The following ARHGEF26 variants were observed in gnomAD, a reference collection of about 807,000 sequenced individuals.
The protein encoded by ARHGEF26 is Rho guanine nucleotide exchange factor (GEF) 26.
ARHGEF26 carries 59 observed loss-of-function variants against 89.4 expected under a neutral mutation model. The observed-to-expected ratio is 0.66, with a 90% CI of 0.54 to 0.82. ARHGEF26 has a LOEUF of 0.82. Ranked by LOEUF, ARHGEF26 falls within the 40% of genes least tolerant of loss-of-function variation. The pLI, the probability that ARHGEF26 is intolerant of heterozygous loss-of-function variation, is 0.00. For missense variants in ARHGEF26, 1,234 were observed against 1,085.6 expected (o/e 1.14, Z -1.92); for synonymous variants, 500 against 428.4 (o/e 1.17, Z -2.06).
intron 4 of ARHGEF26, among the ~76,000 whole-genome samples, chr3:154,145,566 G>A: frequency 6.6e-6 from 1 of 152,238 alleles, no homozygotes; most frequent in East Asian, 1.9e-4. Flanking sequence ...AGTCTTTTTG[G>A]TTTGTGAGGC....
At chr3:154,142,130 A>G (rs997203932) in intron 4 of ARHGEF26, among the ~76,000 whole-genome samples, 1 of 152,250 alleles carries the variant, frequency 6.6e-6, no homozygotes, top group Non-Finnish European at 1.5e-5. Context: ...TTTTGTCTAT[A>G]GGATGTAACT....
At chr3:154,239,734 T>C (rs1717376171) in intron 11 of ARHGEF26, among the ~76,000 whole-genome samples, 2 of 152,032 alleles carry the variant, frequency 1.3e-5, no homozygotes. Context: ...GGGGCCAGAT[T>C]GGGCATGTTC....
In ARHGEF26 at chr3:154,202,488, C is replaced by CT. The variant is rs569531952; in HGVS notation, c.1845+7776dup. 1.6e-3 allele frequency among the ~76,000 whole-genome samples: 248 copies of CT among 152,170 alleles called. 1 individual carries two copies. The highest frequency in any genetic ancestry group is 5.4e-3 in the African/African-American group (223 of 41,508). ...TAGGATTGACTTGGCAATGTGGGCTCTTTTTTGGTTCCATATGAACTTTAA... is the reference window on the plus strand; with the variant it reads ...TAGGATTGACTTGGCAATGTGGGCTCTTTTTTTGGTTCCATATGAACTTTAA... On this transcript the variant is annotated intron_variant, in intron 9 of 14. Transcript: ENST00000465093.
In ARHGEF26 at chr3:154,256,212, G is replaced by C. The variant is rs1335296292; in HGVS notation, c.*739G>C. 2.0e-6 allele frequency: 2 copies of C among 985,644 alleles called. No individual in the cohort carries two copies. Among genetic ancestry groups the C allele is most frequent in the Non-Finnish European group, 2.4e-6 (2 of 829,980 alleles). The allele number at this position is 985,644 out of a possible 1,614,324, so 61.1% of individuals were successfully genotyped here. A position where few individuals can be genotyped will look rare whatever the true frequency, so the allele number is the denominator to read the frequency against. ...AATTTAGATGGGTTCATATATGTGA[G>C]AAAAACCTGAATATAGGACAGGGGT... On this transcript the variant is annotated 3_prime_UTR_variant, in exon 15 of 15. Coordinates refer to ENST00000465093, the MANE Select transcript of ARHGEF26 (RefSeq NM_015595.4).
intron 6 of ARHGEF26, among the ~76,000 whole-genome samples, chr3:154,169,767 T>C (rs1165707230): frequency 6.6e-6 from 1 of 152,182 alleles, no homozygotes; most frequent in African/African-American, 2.4e-5. Context: ...CAACACTGTA[T>C]ACATTAAATA....
chr3:154,231,900 T>G (rs1301548950), intron 11 of ARHGEF26, among the ~76,000 whole-genome samples: 4 of 82,936 alleles, frequency 4.8e-5, no homozygotes, highest in African/African-American at 1.1e-4. Flanking sequence ...GTAGTAGCAG[T>G]TTTTTTTTTT....
At chr3:154,208,882 C>T (rs1443616180) in intron 9 of ARHGEF26, among the ~76,000 whole-genome samples, 4 of 151,228 alleles carry the variant, frequency 2.6e-5, no homozygotes, top group Non-Finnish European at 5.9e-5. Flanking sequence ...TCTCATGCCT[C>T]AGCCTCCCAG....
intron 6 of ARHGEF26, among the ~76,000 whole-genome samples, chr3:154,155,436 G>C (rs945815541): frequency 2.2e-4 from 33 of 151,982 alleles, no homozygotes; most frequent in Admixed American, 1.0e-3. Flanking sequence ...TAATAAGAAG[G>C]AGAGGGAAAA....
intron 11 of ARHGEF26, among the ~76,000 whole-genome samples, chr3:154,228,420 A>T (rs2108264897): frequency 6.7e-6 from 1 of 149,044 alleles, no homozygotes; most frequent in Admixed American, 6.7e-5. Flanking sequence ...TAGAGGCGTG[A>T]GCCACCGCAC....
At chr3:154,129,222 T>C (rs995176310) in intron 3 of ARHGEF26, among the ~76,000 whole-genome samples, 1 of 152,166 alleles carries the variant, frequency 6.6e-6, no homozygotes, top group African/African-American at 2.4e-5. Flanking sequence ...GTTTATTAAA[T>C]AGATAAATGA....
intron 6 of ARHGEF26, among the ~76,000 whole-genome samples, chr3:154,166,298 C>T (rs1218465281): frequency 6.6e-6 from 1 of 152,182 alleles, no homozygotes; most frequent in African/African-American, 2.4e-5. Flanking sequence ...GATCCGCCCG[C>T]CTTGGCCTCC....
chr3:154,140,569 T>C (rs1428795249), intron 4 of ARHGEF26, among the ~76,000 whole-genome samples: 1 of 148,048 alleles, frequency 6.8e-6, no homozygotes, highest in Non-Finnish European at 1.5e-5. Flanking sequence ...AGCTCCTGAA[T>C]ACTCAGGGTT....
At chr3:154,154,585 T>G (rs940989686) in intron 6 of ARHGEF26, among the ~76,000 whole-genome samples, 2 of 152,042 alleles carry the variant, frequency 1.3e-5, no homozygotes, top group Non-Finnish European at 2.9e-5. Context: ...TAGATACTCT[T>G]AAATAAGTTG....
intron 1 of ARHGEF26, 127 bp downstream of exon 1, chr3:154,121,646 T>G: frequency 7.5e-6 from 2 of 266,532 alleles, no homozygotes; most frequent in Non-Finnish European, 7.1e-6. Context: ...CGTCCCAAGT[T>G]TCTTGTGCCT....
Position 154,256,712 on chromosome 3 carries a change from T to C in ARHGEF26, c.*1239T>C. The C allele has an allele frequency of 2.2e-6, 3 of 1,334,622 alleles. No homozygotes were observed. The highest frequency in any genetic ancestry group is 2.9e-6 in the Non-Finnish European group (3 of 1,048,168). 82.7% of individuals were successfully genotyped at this position (1,334,622 alleles called of 1,614,324 possible). ...ACAGTAATCTCAAGGAAGGGAAAAT[T>C]AGGCCTTAAAAGATACCAAGAAGTC... On this transcript the variant is annotated 3_prime_UTR_variant, in exon 15 of 15. Transcript: ENST00000465093.
chr3:154,155,589 C>G lies in ARHGEF26; in HGVS notation c.1487+2657C>G, dbSNP rs563792326. On this transcript the variant is annotated intron_variant, in intron 6 of 14. Transcript: ENST00000465093. ...TTAGAATCCAGGGTATTCCTTGAGGCTTGAAGGACGTGTACGTTCATTTAT... is the reference window on the plus strand; with the variant it reads ...TTAGAATCCAGGGTATTCCTTGAGGGTTGAAGGACGTGTACGTTCATTTAT... Among the ~76,000 whole-genome samples the G allele has an allele frequency of 6.3e-4, 96 of 151,934 alleles. 1 individual carries two copies. Among genetic ancestry groups the G allele is most frequent in the African/African-American group, 2.2e-3 (93 of 41,532 alleles).
chr3:154,203,107 C>T (rs917081447), intron 9 of ARHGEF26, among the ~76,000 whole-genome samples: 1 of 152,112 alleles, frequency 6.6e-6, no homozygotes, highest in African/African-American at 2.4e-5. Flanking sequence ...CCAGTTTTTG[C>T]CCATTCAGTA....
Position 154,256,996 on chromosome 3 carries a change from A to G in ARHGEF26, c.*1523A>G. 1.3e-6 allele frequency: 2 copies of G among 1,514,324 alleles called. No homozygotes were observed. The highest frequency in any genetic ancestry group is 1.3e-5 in the South Asian group (1 of 79,760). 93.8% of individuals were successfully genotyped at this position (1,514,324 alleles called of 1,614,324 possible). On this transcript the variant is annotated 3_prime_UTR_variant, in exon 15 of 15. Transcript: ENST00000465093. ...CTGTTCTATTTGCTTTAACAAAGGG[A>G]TAAAACCTGGCAAAGTGTACATTAT... is the stretch of plus-strand genomic sequence containing the variant.
intron 4 of ARHGEF26, among the ~76,000 whole-genome samples, chr3:154,138,039 CTTGT>C (rs1172251933): frequency 1.3e-5 from 2 of 152,070 alleles, no homozygotes; most frequent in Non-Finnish European, 2.9e-5. Context: ...TAATATACAG[CTTGT>C]TTCTTTTCTG....
Sources: allele counts gnomAD v4.1 joint callset (sites outside exome capture counted in the v4.1 genomes callset), GRCh38; gene constraint gnomAD v4.1.1; transcripts MANE v1.5; gene names NCBI Gene and HGNC (gene_info 2026-07-23, HGNC 2026-07-21).